The following FPGS variants were observed in gnomAD, a reference collection of about 807,000 sequenced individuals.
FPGS encodes the protein folylpolyglutamate synthase, mitochondrial.
FPGS carries 53 observed loss-of-function variants against 66.5 expected under a neutral mutation model. The ratio of observed to expected loss-of-function variants is 0.80; its 90% CI spans 0.64 to 1.00. The LOEUF (loss-of-function observed/expected upper bound fraction) is 1.00. Ranked by LOEUF, FPGS falls within the 50% of genes least tolerant of loss-of-function variation. The pLI, the probability that FPGS is intolerant of heterozygous loss-of-function variation, is 0.00. For synonymous variants in FPGS, 348 were observed against 350.9 expected (o/e 0.99, Z 0.09); for missense variants, 702 against 807.7 (o/e 0.87, Z 1.59).
At chr9:127,810,755 C>G (rs1830039252) in intron 13 of FPGS, among the ~76,000 whole-genome samples, 190 bp from the exon 14 acceptor site, 1 of 152,180 alleles carries the variant, frequency 6.6e-6, no homozygotes, top group East Asian at 1.9e-4. Context: ...GCTGCTCAGG[C>G]CACAGGCCAG....
chr9:127,805,877 G>A (rs911270516), intron 4 of FPGS, among the ~76,000 whole-genome samples: 1 of 152,162 alleles, frequency 6.6e-6, no homozygotes, highest in Non-Finnish European at 1.5e-5. Flanking sequence ...TGGCCAGGTG[G>A]AACCGGGATC....
chr9:127,814,212 C>CCTGT (rs1431064741), downstream of FPGS: 4 of 954,394 alleles, frequency 4.2e-6, no homozygotes, highest in African/African-American at 3.5e-5. Flanking sequence ...CCTCAGGTGG[C>CCTGT]CTGTCTGTGA....
rs865879157 is a variant in FPGS, at chr9:127,808,445, G to A, written c.823-113G>A. The stretch of plus-strand genomic sequence containing the variant: ...GCTGGGCCAGCTGCCAGGCCTGCTG[G>A]AACACATCTCAGTTCTGGGAGCAGG... On this transcript the variant is annotated intron_variant, in intron 9 of 14. Coordinates refer to ENST00000373247, the MANE Select transcript of FPGS (RefSeq NM_004957.6). 3.3e-6 allele frequency: 5 copies of A among 1,532,474 alleles called. No homozygotes were observed. The African/African-American group carries it at 6.8e-5, about 21-fold the overall frequency. 94.9% of individuals were successfully genotyped at this position (1,532,474 alleles called of 1,614,324 possible).
Position 127,807,022 on chromosome 9 carries a change from C to A in FPGS, c.436C>A (p.Pro146Thr). The A allele has an allele frequency of 6.2e-7, 1 of 1,614,150 alleles. No individual in the cohort carries two copies. Among genetic ancestry groups the A allele is most frequent in the Non-Finnish European group, 8.5e-7 (1 of 1,179,998 alleles). Residue 146 changes from proline to threonine, a missense_variant, in exon 5 of 15, where the codon CCC becomes ACC. Coordinates refer to ENST00000373247, the MANE Select transcript of FPGS (RefSeq NM_004957.6). This position sits in a 1 kb window ranked among gnomAD's most constrained non-coding sequence, Gnocchi z 5.8. ...GGAGCGGATCCGCATCAATGGGCAGCCCATCAGTCCTGAGCTCTTCACCAA... is the reference window on the plus strand; with the variant it reads ...GGAGCGGATCCGCATCAATGGGCAGACCATCAGTCCTGAGCTCTTCACCAA... Reference protein sequence around the residue: ...VRERIRINGQPISPELFTKYF... With the variant: ...VRERIRINGQTISPELFTKYF...
At chr9:127,804,915 G>T in intron 4 of FPGS, 1 of 543,364 alleles carries the variant, frequency 1.8e-6, no homozygotes, top group Non-Finnish European at 3.3e-6. Context: ...TTGAGACTGA[G>T]TCTCACTCTA....
chr9:127,805,713 G>T (rs1308988719), intron 4 of FPGS, among the ~76,000 whole-genome samples: 1 of 152,242 alleles, frequency 6.6e-6, no homozygotes, highest in African/African-American at 2.4e-5. Flanking sequence ...GCCTTGCAAG[G>T]GCTTAAACGA....
Position 127,813,301 on chromosome 9 carries a change from G to C in FPGS, c.1461G>C (p.Trp487Cys). 1 of 1,613,096 alleles carries C rather than the reference G, an allele frequency of 6.2e-7. No individual in the cohort carries two copies. The highest frequency in any genetic ancestry group is 2.2e-5 in the East Asian group (1 of 44,878). ...LDEEQASPDL[W>C]SAPSPEPGGS... ...AAGAGCAGGCCAGCCCGGACCTCTGGAGTGCCCCCAGCCCAGAGCCCGGTG... is the reference window on the plus strand; with the variant it reads ...AAGAGCAGGCCAGCCCGGACCTCTGCAGTGCCCCCAGCCCAGAGCCCGGTG... The change falls in exon 15 of 15, where the codon TGG (tryptophan) becomes TGC (cysteine). Residue 487 changes from tryptophan (W) to cysteine (C), a missense_variant. Trp to Cys is a radical substitution (Grantham distance 215). Around this residue, in one of 3 missense-constraint regions of FPGS, gnomAD observed 351 missense variants for 363.7 expected, o/e 0.97. Transcript: ENST00000373247.
At position 127,807,863 on chromosome 9, in the gene FPGS, C is replaced by G. The variant is rs1829882750; in HGVS notation, c.744+175C>G. The G allele has an allele frequency of 5.1e-6, 3 of 583,510 alleles. No individual in the cohort carries two copies. The highest frequency in any genetic ancestry group is 3.3e-5 in the Admixed American group (1 of 30,344). 36.1% of individuals were successfully genotyped at this position (583,510 alleles called of 1,614,324 possible). On this transcript the variant is annotated intron_variant, in intron 8 of 14. Coordinates refer to ENST00000373247, the MANE Select transcript of FPGS (RefSeq NM_004957.6). The surrounding 1 kb of genome is among the most constrained non-coding windows in gnomAD (Gnocchi z 5.8). ...TTATATGCTTGCAATCCCAGCATTT[C>G]AGGAGGTCGAGGTGAGAGGATCACC...
At chr9:127,808,475 G>C in intron 9 of FPGS, 83 bp from the exon 10 acceptor site, 1 of 1,575,102 alleles carries the variant, frequency 6.3e-7, no homozygotes, top group East Asian at 2.3e-5. Flanking sequence ...AGCAGGGCTT[G>C]GTGGCTGGGG....
Position 127,804,369 on chromosome 9 carries a change from C to T in FPGS, c.223C>T (p.Gln75Ter), listed in dbSNP as rs767699752. 8 of 1,614,196 alleles carry T rather than the reference C, an allele frequency of 5.0e-6. No homozygotes were observed. The highest frequency in any genetic ancestry group is 6.8e-6 in the Non-Finnish European group (8 of 1,180,040). ...GCGCCAGCGGGGTGACCCTCAGACA[C>T]AGTTGGAAGCCATGGAACTGTACCT... ...VKRQRGDPQT[Q>*]LEAMELYLAR... The change falls in exon 2 of 15, where the codon CAG (glutamine) becomes TAG (stop). Residue 75 changes from glutamine (Q) to a stop codon, truncating the protein, a stop_gained. Transcript: ENST00000373247. LOFTEE classifies it high-confidence loss of function.
Position 127,804,280 on chromosome 9 carries a change from G to T in FPGS, c.139-5G>T. On this transcript the variant is annotated splice_polypyrimidine_tract_variant and splice_region_variant and intron_variant, in intron 1 of 14. Transcript: ENST00000373247. Reference sequence around the variant, plus strand: ...AACCTACTATCTGGGCACTGTGGTTGCCAGGATGCCGTGCGCATGCTCAAT... The same window carrying T: ...AACCTACTATCTGGGCACTGTGGTTTCCAGGATGCCGTGCGCATGCTCAAT... The T allele has an allele frequency of 1.9e-6, 3 of 1,613,714 alleles. No individual in the cohort carries two copies. The highest frequency in any genetic ancestry group is 2.5e-6 in the Non-Finnish European group (3 of 1,179,758).
chr9:127,805,825 C>T (rs947559138), intron 4 of FPGS, among the ~76,000 whole-genome samples: 21 of 152,248 alleles, frequency 1.4e-4, no homozygotes, highest in African/African-American at 5.1e-4. Flanking sequence ...CCTGGGGCAG[C>T]GCCCCCTCTT....
In FPGS at chr9:127,813,566, G is replaced by A. The variant is rs753121731; in HGVS notation, c.1726G>A (p.Gly576Ser). 6.3e-7 allele frequency: 1 copy of A among 1,582,806 alleles called. No homozygotes were observed. The highest frequency in any genetic ancestry group is 1.3e-5 in the African/African-American group (1 of 74,236). ...LVTGSLHLVG[G>S]VLKLLEPALS... ...CACTGGCAGCCTGCACCTGGTGGGT[G>A]GTGTCCTGAAGCTGCTGGAGCCCGC... The change falls in exon 15 of 15, where the codon GGT becomes AGT. Residue 576 changes from glycine (G) to serine (S), a missense_variant. Physicochemically the swap from Gly to Ser is moderately conservative, Grantham distance 56. Transcript: ENST00000373247.
In FPGS at chr9:127,807,601, C is replaced by T. The variant is rs762924504; in HGVS notation, c.657C>T (p.Cys219=). 1.5e-5 allele frequency: 24 copies of T among 1,612,714 alleles called. No homozygotes were observed. Among genetic ancestry groups the T allele is most frequent in the Middle Eastern group, 1.6e-4 (1 of 6,072 alleles). The change falls in exon 8 of 15, where the codon TGC becomes TGT. Residue 219 remains cysteine (C), a synonymous_variant. Coordinates refer to ENST00000373247, the MANE Select transcript of FPGS (RefSeq NM_004957.6). The surrounding 1 kb of genome is among the most constrained non-coding windows in gnomAD (Gnocchi z 5.8). ...CTNIIRKPVV[C]GVSSLGIDHT... is the part of the protein sequence containing the mutation. ...TCCCCTGCAGGAAGCCTGTGGTGTG[C>T]GGAGTCTCCTCTCTTGGCATCGACC...
chr9:127,806,095 G>A (rs1257228045), intron 4 of FPGS, among the ~76,000 whole-genome samples: 2 of 152,194 alleles, frequency 1.3e-5, no homozygotes, highest in African/African-American at 2.4e-5. Context: ...TGGGCCAGGC[G>A]TGGTGGCTCA....
In FPGS at chr9:127,804,171, G is replaced by A. The variant is rs2131842854; in HGVS notation, c.139-114G>A. 17 of 1,341,838 alleles carry A rather than the reference G, an allele frequency of 1.3e-5. 1 individual carries two copies. In the Middle Eastern group the frequency reaches 7.9e-4, roughly 63 times the overall value. The allele number at this position is 1,341,838 out of a possible 1,614,324, so 83.1% of individuals were successfully genotyped here. A position where few individuals can be genotyped will look rare whatever the true frequency, so the allele number is the denominator to read the frequency against. On this transcript the variant is annotated intron_variant, in intron 1 of 14. Coordinates refer to ENST00000373247, the MANE Select transcript of FPGS (RefSeq NM_004957.6). The stretch of plus-strand genomic sequence containing the variant: ...TAGGCTAACAGTGCTGGCATGGCAG[G>A]CGGGCCTGGTACTGGCCTTGTTGCC...
chr9:127,807,104 G>A lies in FPGS; in HGVS notation c.501+17G>A, dbSNP rs984958208. 6.8e-6 allele frequency: 11 copies of A among 1,611,868 alleles called. No homozygotes were observed. Among genetic ancestry groups the A allele is most frequent in the African/African-American group, 1.3e-5 (1 of 74,880 alleles). Reference sequence around the variant, plus strand: ...GAGACCAAGGTGCCGCATGCAGGAGGGCTGGCGGGTGGGTATGGTTGGGGG... The same window carrying A: ...GAGACCAAGGTGCCGCATGCAGGAGAGCTGGCGGGTGGGTATGGTTGGGGG... On this transcript the variant is annotated intron_variant, in intron 5 of 14. Coordinates refer to ENST00000373247, the MANE Select transcript of FPGS (RefSeq NM_004957.6). The surrounding 1 kb of genome is among the most constrained non-coding windows in gnomAD (Gnocchi z 5.8).
chr9:127,804,915 GTC>G, intron 4 of FPGS: 1 of 543,364 alleles, frequency 1.8e-6, no homozygotes, highest in South Asian at 2.1e-5. Flanking sequence ...TTGAGACTGA[GTC>G]TCACTCTATC....
rs1201652145 is a variant in FPGS at position 127,804,307 on chromosome 9, C to T, written c.161C>T (p.Thr54Ile). The T allele has an allele frequency of 1.9e-6, 3 of 1,614,184 alleles. No individual in the cohort carries two copies. The highest frequency in any genetic ancestry group is 2.5e-6 in the Non-Finnish European group (3 of 1,180,018). Residue 54 changes from threonine to isoleucine, a missense_variant, in exon 2 of 15, where the codon ACC (threonine) becomes ATC (isoleucine). Coordinates refer to ENST00000373247, the MANE Select transcript of FPGS (RefSeq NM_004957.6). Reference sequence around the variant, plus strand: ...CAGGATGCCGTGCGCATGCTCAATACCCTGCAGACCAATGCCGGCTACCTG... The same window carrying T: ...CAGGATGCCGTGCGCATGCTCAATATCCTGCAGACCAATGCCGGCTACCTG... ...EYQDAVRMLN[T>I]LQTNAGYLEQ...
Sources: gnomAD v4.1 joint callset for allele counts (sites outside exome capture counted in the v4.1 genomes callset) on GRCh38, gnomAD v4.1.1 for gene constraint, gnomAD v4.1.1 regional missense constraint, Gnocchi (gnomAD v3.1) non-coding constraint, MANE v1.5 for transcripts, NCBI Gene and HGNC (gene_info 2026-07-23, HGNC 2026-07-21) for gene names.